Variants in CAPN8 observed in about 807,000 individuals in gnomAD.
CAPN8 encodes the protein calpain-8.
CAPN8 carries 87 observed loss-of-function variants against 80.9 expected under a neutral mutation model. The ratio of observed to expected loss-of-function variants is 1.07; its 90% confidence interval spans 0.90 to 1.28. The LOEUF is 1.28. CAPN8 is among the 50% of genes most tolerant of loss of function. CAPN8 has a pLI of 0.00. For missense variants in CAPN8, 757 were observed against 702.0 expected (o/e 1.08, Z -0.89); for synonymous variants, 299 against 273.8 (o/e 1.09, Z -0.91).
In CAPN8 at chr1:223,631,464, A is replaced by T. The variant is rs146905468; in HGVS notation, c.308-2684T>A. Among the ~76,000 whole-genome samples the T allele has an allele frequency of 3.9e-3, 599 of 152,136 alleles. 2 individuals are homozygous for T. Among genetic ancestry groups the T allele is most frequent in the Non-Finnish European group, 5.9e-3 (402 of 68,000 alleles). ...CACCTCCCCAGCAAGTTCTAAGGCC[A>T]CTTGATTACATCTGTTTTTCTCTCT... On this transcript the variant is annotated intron_variant, in intron 2 of 20. Transcript: ENST00000366872.
At chr1:223,611,102 T>G (rs999254767) in intron 11 of CAPN8, among the ~76,000 whole-genome samples, 1 of 152,178 alleles carries the variant, frequency 6.6e-6, no homozygotes. Flanking sequence ...AAAGCTCCAT[T>G]GTGTGTGCAC....
chr1:223,548,902 T>C (rs1289236535), intron 16 of CAPN8, among the ~76,000 whole-genome samples: 1 of 134,846 alleles, frequency 7.4e-6, no homozygotes, highest in African/African-American at 2.9e-5. Context: ...AAAGATCAGA[T>C]AGTGATGGGG....
chr1:223,639,626 C>T (rs1271199751), intron 2 of CAPN8, among the ~76,000 whole-genome samples: 1 of 152,274 alleles, frequency 6.6e-6, no homozygotes, highest in Non-Finnish European at 1.5e-5. Context: ...TATTCAGCCT[C>T]TAAAAGCCCA....
intron 1 of CAPN8, among the ~76,000 whole-genome samples, chr1:223,660,625 T>C (rs573121352): frequency 1.5e-3 from 222 of 152,380 alleles, no homozygotes; most frequent in African/African-American, 5.2e-3. Flanking sequence ...TGTCAAATGA[T>C]GTGATTTCAG....
intron 15 of CAPN8, 142 bp from the exon 16 acceptor site, chr1:223,549,524 T>C: frequency 7.6e-7 from 1 of 1,315,738 alleles, no homozygotes; most frequent in Non-Finnish European, 1.1e-6. Flanking sequence ...GAGAGCATCA[T>C]GGCAGGCTTG....
At chr1:223,658,665 G>T (rs1293384839) in intron 1 of CAPN8, among the ~76,000 whole-genome samples, 2 of 152,138 alleles carry the variant, frequency 1.3e-5, no homozygotes, top group Non-Finnish European at 2.9e-5. Flanking sequence ...AACTAGCCAG[G>T]CATGGTGGTG....
intron 10 of CAPN8, 82 bp from the exon 11 acceptor site, chr1:223,612,339 G>T: frequency 1.7e-6 from 2 of 1,194,332 alleles, no homozygotes; most frequent in East Asian, 3.2e-5. Flanking sequence ...CCTATGTCTT[G>T]CAAACAGACT....
intron 2 of CAPN8, among the ~76,000 whole-genome samples, chr1:223,648,778 A>C (rs1316175915): frequency 6.6e-6 from 1 of 152,254 alleles, no homozygotes; most frequent in Admixed American, 6.5e-5. Flanking sequence ...CATCCATTTC[A>C]TAGAGGTGAA....
rs1361847834 is a variant in CAPN8 at position 223,609,255 on chromosome 1, C to G, written c.1433G>C (p.Arg478Pro). The G allele has an allele frequency of 1.8e-5, 7 of 398,398 alleles. No individual in the cohort carries two copies. The highest frequency in any genetic ancestry group is 4.4e-5 in the Admixed American group (1 of 22,698). 24.7% of individuals were successfully genotyped at this position (398,398 alleles called of 1,614,324 possible). A position where few individuals can be genotyped will look rare whatever the true frequency, so the allele number is the denominator to read the frequency against. Residue 478 changes from arginine to proline, a missense_variant, in exon 12 of 21, where the codon CGG becomes CCG. Physicochemically the swap from Arg to Pro is moderately radical, Grantham distance 103 (BLOSUM62 -2). Transcript: ENST00000366872. The part of the protein sequence containing the change: ...VNLREVSGRA[R>P]LPPGEYLVVP... ...CACCAGGTACTCCCCAGGGGGCAGC[C>G]GGGCCCGGCCAGAGACCTCCCGCAG...
intron 1 of CAPN8, 60 bp from the exon 2 acceptor site, chr1:223,654,459 G>A: frequency 6.9e-7 from 1 of 1,455,982 alleles, no homozygotes; most frequent in Non-Finnish European, 9.4e-7. Flanking sequence ...CAGCAGCCTG[G>A]GGAAAGGAAC....
rs151024416 is a variant in CAPN8 at position 223,542,602 on chromosome 1, C to T, written c.2088+506G>A. Among the ~76,000 whole-genome samples, 964 of 152,312 alleles carry T rather than the reference C, an allele frequency of 6.3e-3. 12 individuals are homozygous for T. The highest frequency in any genetic ancestry group is 0.02 in the African/African-American group (850 of 41,566). ...AGACATCTCCACACTTCCTGCTGTC[C>T]CCTCTGGCCAGTAAAGGCCTCTGTC... On this transcript the variant is annotated intron_variant, in intron 20 of 20. Coordinates refer to ENST00000366872, the MANE Select transcript of CAPN8 (RefSeq NM_001143962.2).
At chr1:223,543,607 A>C (rs74633846) in intron 19 of CAPN8, among the ~76,000 whole-genome samples, 2,577 of 152,182 alleles carry the variant, frequency 0.017, 114 homozygotes, top group East Asian at 0.15. Context: ...TCCTAATAAG[A>C]TATCTAATCT....
At chr1:223,631,697 C>T (rs1046904923) in intron 2 of CAPN8, among the ~76,000 whole-genome samples, 1 of 152,234 alleles carries the variant, frequency 6.6e-6, no homozygotes, top group Admixed American at 6.5e-5. Flanking sequence ...GCACCTCAGC[C>T]TCCCAAGTCT....
chr1:223,642,710 G>GGAAAAA (rs1658076996), intron 2 of CAPN8: 2 of 429,734 alleles, frequency 4.7e-6, no homozygotes, highest in Non-Finnish European at 9.2e-6. Flanking sequence ...GAGAGGAAAA[G>GGAAAAA]GAAAAAGAAA....
At chr1:223,548,349 G>GGTTC (rs1326261424) in intron 16 of CAPN8, among the ~76,000 whole-genome samples, 53 of 152,164 alleles carry the variant, frequency 3.5e-4, no homozygotes, top group African/African-American at 1.2e-3. Flanking sequence ...ACACCTAGAA[G>GGTTC]GTTCCTTCCA....
At chr1:223,621,846 C>T (rs1362034313) in intron 7 of CAPN8, among the ~76,000 whole-genome samples, 1 of 152,052 alleles carries the variant, frequency 6.6e-6, no homozygotes, top group Non-Finnish European at 1.5e-5. Context: ...GTTCTTTGTC[C>T]ATGAGACTGG....
chr1:223,646,634 T>C (rs192128860), intron 2 of CAPN8, among the ~76,000 whole-genome samples: 1 of 152,298 alleles, frequency 6.6e-6, no homozygotes, highest in East Asian at 1.9e-4. Context: ...GTTATGCCCT[T>C]TAAGAACCAT....
chr1:223,612,368 T>C (rs1460269745), intron 10 of CAPN8, 111 bp from the exon 11 acceptor site: 11 of 947,298 alleles, frequency 1.2e-5, no homozygotes, highest in Middle Eastern at 2.8e-4. Context: ...CTGGGGCAAC[T>C]GAGGAGACAT....
At chr1:223,624,962 G>A (rs71524966) in intron 6 of CAPN8, among the ~76,000 whole-genome samples, 187 of 151,056 alleles carry the variant, frequency 1.2e-3, no homozygotes, top group African/African-American at 4.1e-3. Context: ...GCGTGGTGGC[G>A]GGCGCCTGTA....
Sources: gnomAD v4.1 joint callset for allele counts (sites outside exome capture counted in the v4.1 genomes callset) on GRCh38, gnomAD v4.1.1 for gene constraint, MANE v1.5 for transcripts, NCBI Gene and HGNC (gene_info 2026-07-23, HGNC 2026-07-21) for gene names.